Variants in TMC1 observed in about 807,000 individuals in gnomAD.
The protein encoded by TMC1 is transmembrane channel like 1.
In TMC1, 84 loss-of-function variants were observed where a neutral mutation model predicts 105.8. The ratio of observed to expected loss-of-function variants is 0.79; its 90% confidence interval spans 0.67 to 0.95. TMC1 has a LOEUF of 0.95. Among genes scored for constraint, TMC1 ranks in the 40% least tolerant of loss-of-function variants. The probability of loss-of-function intolerance (pLI) is 0.00; values close to 1 mark genes in which losing one functional copy is unlikely to be tolerated. For missense variants in TMC1, 817 were observed against 914.1 expected (o/e 0.89, Z 1.37); for synonymous variants, 315 against 311.5 (o/e 1.01, Z -0.12).
intron 8 of TMC1, among the ~76,000 whole-genome samples, chr9:72,733,854 T>TC (rs1176492619): frequency 6.6e-6 from 1 of 152,198 alleles, no homozygotes; most frequent in Non-Finnish European, 1.5e-5. Context: ...ACTTTTTTTT[T>TC]TCTGCCCTCA....
At chr9:72,740,333 A>G (rs1487359235) in intron 9 of TMC1, 124 bp downstream of exon 9, 13 of 768,888 alleles carry the variant, frequency 1.7e-5, no homozygotes, top group Non-Finnish European at 2.7e-5. Context: ...CTCATACAGT[A>G]TATACACAGT....
chr9:72,618,464 TA>T (rs1223809531), intron 3 of TMC1, among the ~76,000 whole-genome samples: 1 of 152,156 alleles, frequency 6.6e-6, no homozygotes, highest in Non-Finnish European at 1.5e-5. Flanking sequence ...GTTGAGTTGG[TA>T]GCATAACCAC....
At chr9:72,636,019 G>T (rs184993771) in intron 4 of TMC1, among the ~76,000 whole-genome samples, 73 of 152,238 alleles carry the variant, frequency 4.8e-4, no homozygotes, top group Admixed American at 4.7e-3. Context: ...GAGAATCCAG[G>T]ATCCAGAATG....
intron 8 of TMC1, among the ~76,000 whole-genome samples, chr9:72,731,769 T>A (rs997442698): frequency 1.1e-4 from 16 of 152,168 alleles, no homozygotes; most frequent in African/African-American, 3.9e-4. Flanking sequence ...TATGTTTTCA[T>A]CTCTTCATTT....
chr9:72,602,722 C>T (rs569580664), intron 2 of TMC1, among the ~76,000 whole-genome samples: 24 of 152,240 alleles, frequency 1.6e-4, no homozygotes, highest in African/African-American at 5.3e-4. Flanking sequence ...TGTTCAGAGA[C>T]TTTGGAACCC....
intron 2 of TMC1, among the ~76,000 whole-genome samples, chr9:72,614,391 T>C (rs1825086424): frequency 6.6e-6 from 1 of 152,230 alleles, no homozygotes. Flanking sequence ...TTGAAATTCA[T>C]ACTTAGTGTG....
chr9:72,824,472 T>C (rs1212204910), intron 20 of TMC1, among the ~76,000 whole-genome samples: 2 of 152,158 alleles, frequency 1.3e-5, no homozygotes, highest in African/African-American at 4.8e-5. Context: ...GAGGAGAATT[T>C]TATTGAGTAA....
At chr9:72,733,427 A>G (rs189918955) in intron 8 of TMC1, among the ~76,000 whole-genome samples, 21 of 152,160 alleles carry the variant, frequency 1.4e-4, no homozygotes, top group Admixed American at 2.0e-4. Flanking sequence ...CCCACTTTCA[A>G]TGGGGTAACA....
At chr9:72,533,250 A>C (rs989948162) in intron 1 of TMC1, among the ~76,000 whole-genome samples, 1 of 152,176 alleles carries the variant, frequency 6.6e-6, no homozygotes, top group Non-Finnish European at 1.5e-5. Flanking sequence ...ATAATGCATA[A>C]AGTGATAAAG....
intron 2 of TMC1, among the ~76,000 whole-genome samples, chr9:72,586,697 G>T (rs1464137787): frequency 6.6e-6 from 1 of 152,136 alleles, no homozygotes; most frequent in African/African-American, 2.4e-5. Flanking sequence ...TGCGGGGAGA[G>T]ACTGTGAGTT....
At chr9:72,806,147 G>C (rs1277024580) in intron 18 of TMC1, among the ~76,000 whole-genome samples, 6 of 149,482 alleles carry the variant, frequency 4.0e-5, no homozygotes, top group Non-Finnish European at 8.9e-5. Flanking sequence ...CTCACCTCCC[G>C]GGCGGGGCGG....
chr9:72,611,372 G>GCT (rs1825020906), intron 2 of TMC1, among the ~76,000 whole-genome samples: 1 of 152,198 alleles, frequency 6.6e-6, no homozygotes, highest in Admixed American at 6.5e-5. Flanking sequence ...AAGGTATTTT[G>GCT]CTATAGAGAG....
At chr9:72,628,269 G>A (rs1368620587) in intron 4 of TMC1, 1 of 287,534 alleles carries the variant, frequency 3.5e-6, no homozygotes, top group African/African-American at 2.2e-5. Context: ...AGCTTGGGAT[G>A]GAGTTTGAGG....
intron 20 of TMC1, 29 bp from the exon 21 acceptor site, chr9:72,826,840 A>G (rs1828964015): frequency 6.2e-7 from 1 of 1,612,696 alleles, no homozygotes; most frequent in African/African-American, 1.3e-5. Context: ...TTCTTAATAA[A>G]CTTATCTCCC....
At chr9:72,628,300 T>A (rs191816451) in intron 4 of TMC1, 2 of 277,870 alleles carry the variant, frequency 7.2e-6, no homozygotes, top group East Asian at 1.9e-4. Context: ...GGGAAAAAGA[T>A]CTTGGCAGAT....
intron 2 of TMC1, among the ~76,000 whole-genome samples, chr9:72,579,558 T>A (rs373917964): frequency 6.6e-6 from 1 of 152,208 alleles, no homozygotes. Context: ...CCTCCCCTTT[T>A]TCCTGGAGCC....
intron 1 of TMC1, among the ~76,000 whole-genome samples, chr9:72,546,299 A>G (rs1189538857): frequency 1.3e-5 from 2 of 152,162 alleles, no homozygotes; most frequent in African/African-American, 4.8e-5. Context: ...CAAAAAATAT[A>G]AAAATAAATA....
In TMC1 at chr9:72,717,395, A is replaced by G. The variant is rs148049327; in HGVS notation, c.362+16752A>G. Among the ~76,000 whole-genome samples the G allele has an allele frequency of 6.0e-3, 909 of 152,118 alleles. 12 individuals carry two copies. Among genetic ancestry groups the G allele is most frequent in the Middle Eastern group, 0.027 (8 of 292 alleles). On this transcript the variant is annotated intron_variant, in intron 8 of 23. Coordinates refer to ENST00000297784, the MANE Select transcript of TMC1 (RefSeq NM_138691.3). The stretch of plus-strand genomic sequence containing the variant: ...ACTTATTTATTGTATTTTTGTTTTA[A>G]TGGGTCTTGTGAGACTCATGATTTA...
At chr9:72,563,872 C>T (rs1824100405) in intron 1 of TMC1, among the ~76,000 whole-genome samples, 1 of 125,394 alleles carries the variant, frequency 8.0e-6, no homozygotes, top group Non-Finnish European at 1.6e-5. Context: ...GCATTCCAGC[C>T]TGGACAACAG....
Sources: allele counts gnomAD v4.1 joint callset (sites outside exome capture counted in the v4.1 genomes callset), GRCh38; gene constraint gnomAD v4.1.1; transcripts MANE v1.5; gene names NCBI Gene and HGNC (gene_info 2026-07-23, HGNC 2026-07-21).